Variants in EMB observed in about 807,000 individuals in gnomAD.
EMB encodes embigin.
EMB carries 31 observed loss-of-function variants against 41.4 expected under a neutral mutation model. That is an observed-to-expected ratio of 0.75 (90% confidence interval 0.56 to 1.01). EMB has a LOEUF of 1.01. Ranked by LOEUF, EMB falls within the 50% of genes least tolerant of loss-of-function variation. EMB has a pLI of 0.00. For synonymous variants in EMB, 137 were observed against 140.4 expected (o/e 0.98, Z 0.17); for missense variants, 379 against 388.3 (o/e 0.98, Z 0.20).
In EMB at chr5:50,399,105, AC is replaced by A; in HGVS notation, c.*167del. The A allele has an allele frequency of 1.3e-6, 1 of 772,610 alleles. No homozygotes were observed. The highest frequency in any genetic ancestry group is 1.9e-6 in the Non-Finnish European group (1 of 522,912). The allele number at this position is 772,610 out of a possible 1,614,324, so 47.9% of individuals were successfully genotyped here. ...TAACATAATTACAGAATGAAAATAT[AC>A]CTTTAGATCTGACATATATCGTTGA... On this transcript the variant is annotated 3_prime_UTR_variant, in exon 9 of 9. Transcript: ENST00000303221.
intron 2 of EMB, among the ~76,000 whole-genome samples, chr5:50,416,455 A>G (rs998201413): frequency 7.2e-5 from 11 of 152,220 alleles, no homozygotes; most frequent in Non-Finnish European, 1.3e-4. Flanking sequence ...GGGTCTATTC[A>G]GGACCCAATC....
At chr5:50,414,092 G>A (rs1347071860) in intron 2 of EMB, among the ~76,000 whole-genome samples, 1 of 152,052 alleles carries the variant, frequency 6.6e-6, no homozygotes, top group Non-Finnish European at 1.5e-5. Flanking sequence ...ACTCTTAAGG[G>A]GAAGAGAAGG....
At chr5:50,413,678 C>T (rs1174492885) in intron 2 of EMB, among the ~76,000 whole-genome samples, 3 of 151,354 alleles carry the variant, frequency 2.0e-5, no homozygotes, top group East Asian at 1.9e-4. Flanking sequence ...CGGATTCAAG[C>T]GATTCTCCTG....
Position 50,441,124 on chromosome 5 carries a change from C to A in EMB, c.28G>T (p.Ala10Ser), listed in dbSNP as rs1364500412. 2.0e-5 allele frequency: 30 copies of A among 1,509,872 alleles called. No homozygotes were observed. The highest frequency in any genetic ancestry group is 2.6e-5 in the Non-Finnish European group (29 of 1,133,154). 93.5% of individuals were successfully genotyped at this position (1,509,872 alleles called of 1,614,324 possible). A position where few individuals can be genotyped will look rare whatever the true frequency, so the allele number is the denominator to read the frequency against. Residue 10 changes from alanine (A) to serine (S), a missense_variant, in exon 1 of 9, where the codon GCC becomes TCC. Physicochemically the swap from Ala to Ser is moderately conservative, Grantham distance 99 (BLOSUM62 1). Transcript: ENST00000303221. ...AGCAGCCGGGGCGTACGCGCCCTGG[C>A]CTCCAGCAGGCCGGGGAGGGCGCGC... MRALPGLLE[A>S]RARTPRLLLL...
At position 50,405,811 on chromosome 5, in the gene EMB, C is replaced by A; in HGVS notation, c.514G>T (p.Val172Leu). ...CATGTCAAGACAGTAGAATCCCCTA[C>A]GTAAGAGATCAATGGCTTGTTTTTC... ...HGKNKPLISY[V>L]GDSTVLTCKC... The change falls in exon 5 of 9, where the codon GTA becomes TTA. Residue 172 changes from valine to leucine, a missense_variant. Transcript: ENST00000303221. The A allele has an allele frequency of 6.3e-7, 1 of 1,592,656 alleles. No homozygotes were observed. The highest frequency in any genetic ancestry group is 1.4e-5 in the African/African-American group (1 of 73,450).
At chr5:50,410,145 A>G (rs1042367598) in intron 4 of EMB, among the ~76,000 whole-genome samples, 1 of 152,136 alleles carries the variant, frequency 6.6e-6, no homozygotes, top group Admixed American at 6.6e-5. Flanking sequence ...AATGCAAAGC[A>G]GAGTCCGACG....
At chr5:50,430,629 G>A (rs1379954531) in intron 1 of EMB, among the ~76,000 whole-genome samples, 1 of 151,890 alleles carries the variant, frequency 6.6e-6, no homozygotes, top group Non-Finnish European at 1.5e-5. Context: ...AAAATTTCGA[G>A]CAGCACCCAT....
intron 2 of EMB, among the ~76,000 whole-genome samples, chr5:50,426,625 C>T (rs750342024): frequency 5.3e-5 from 8 of 151,872 alleles, no homozygotes; most frequent in Non-Finnish European, 8.8e-5. Flanking sequence ...AGATTAACTT[C>T]GACAATGGCC....
intron 4 of EMB, among the ~76,000 whole-genome samples, chr5:50,406,073 G>C (rs1334454972): frequency 6.6e-6 from 1 of 151,722 alleles, no homozygotes; most frequent in Non-Finnish European, 1.5e-5. Flanking sequence ...AGAAATGGAA[G>C]GTCTTCTATT....
chr5:50,415,863 A>G (rs1177623247), intron 2 of EMB, among the ~76,000 whole-genome samples: 1 of 152,266 alleles, frequency 6.6e-6, no homozygotes, highest in African/African-American at 2.4e-5. Flanking sequence ...AGAAATGTAC[A>G]GTGTAGCTAT....
chr5:50,401,633 G>A (rs562128386), intron 7 of EMB, among the ~76,000 whole-genome samples: 10 of 152,070 alleles, frequency 6.6e-5, no homozygotes, highest in African/African-American at 2.4e-4. Context: ...CATCCCTGGT[G>A]ATTTTATTTC....
At chr5:50,425,477 A>G (rs1449416432) in intron 2 of EMB, among the ~76,000 whole-genome samples, 1 of 151,710 alleles carries the variant, frequency 6.6e-6, no homozygotes, top group Non-Finnish European at 1.5e-5. Context: ...TTGAGCAACT[A>G]AACACTAATA....
At chr5:50,406,426 A>G (rs1053468791) in intron 4 of EMB, among the ~76,000 whole-genome samples, 4 of 151,846 alleles carry the variant, frequency 2.6e-5, no homozygotes, top group African/African-American at 9.7e-5. Flanking sequence ...ATATATATAT[A>G]TACACTAATA....
At chr5:50,414,394 G>A (rs912165366) in intron 2 of EMB, among the ~76,000 whole-genome samples, 2 of 151,702 alleles carry the variant, frequency 1.3e-5, no homozygotes, top group African/African-American at 2.4e-5. Context: ...AGGCTTGGTA[G>A]TGCATGCCTG....
In EMB at chr5:50,436,994, G is replaced by A. The variant is rs527262717; in HGVS notation, c.112+4046C>T. 3.9e-5 allele frequency among the ~76,000 whole-genome samples: 6 copies of A among 152,300 alleles called. No homozygotes were observed. In the East Asian group the frequency reaches 7.7e-4, roughly 20 times the overall value. ...CACTATTAAAAGTAGGCTTAGGCTG[G>A]GCACCGTAGCTCTCGCCTATAATCC... is the stretch of plus-strand genomic sequence containing the variant. On this transcript the variant is annotated intron_variant, in intron 1 of 8. Coordinates refer to ENST00000303221, the MANE Select transcript of EMB (RefSeq NM_198449.3).
intron 1 of EMB, among the ~76,000 whole-genome samples, chr5:50,438,335 C>A (rs1289680456): frequency 6.6e-6 from 1 of 152,138 alleles, no homozygotes; most frequent in Admixed American, 6.5e-5. Flanking sequence ...TGCCCTCCAG[C>A]CTGAGCGACA....
At position 50,402,167 on chromosome 5, in the gene EMB, G is replaced by A. The variant is rs552422383; in HGVS notation, c.911+119C>T. ...GAAAGCCACTTTCCACCACCACGTG[G>A]ACATATACAGAAAATACTCCTCTGC... On this transcript the variant is annotated intron_variant, in intron 7 of 8. Coordinates refer to ENST00000303221, the MANE Select transcript of EMB (RefSeq NM_198449.3). 259 of 1,031,234 alleles carry A rather than the reference G, an allele frequency of 2.5e-4. 1 individual carries two copies. The African/African-American group carries it at 3.7e-3, about 15-fold the overall frequency. The allele number at this position is 1,031,234 out of a possible 1,614,324, so 63.9% of individuals were successfully genotyped here.
chr5:50,406,041 G>A (rs1047893787), intron 4 of EMB, among the ~76,000 whole-genome samples, 189 bp from the exon 5 acceptor site: 10 of 151,740 alleles, frequency 6.6e-5, no homozygotes, highest in Non-Finnish European at 8.8e-5. Context: ...AGATAGATTC[G>A]ATATAATTGT....
chr5:50,438,388 A>G (rs1419081349), intron 1 of EMB, among the ~76,000 whole-genome samples: 1 of 152,210 alleles, frequency 6.6e-6, no homozygotes, highest in Non-Finnish European at 1.5e-5. Flanking sequence ...CAGAACTGCA[A>G]TACTCTGAGA....
Sources: allele counts gnomAD v4.1 joint callset (sites outside exome capture counted in the v4.1 genomes callset), GRCh38; gene constraint gnomAD v4.1.1; transcripts MANE v1.5; gene names NCBI Gene and HGNC (gene_info 2026-07-23, HGNC 2026-07-21).